Variants in SNRPG observed in about 807,000 individuals in gnomAD.
SNRPG encodes the protein small nuclear ribonucleoprotein G.
A neutral mutation model predicts 13.9 loss-of-function variants in SNRPG; 3 were observed. The observed-to-expected ratio is 0.22, with a 90% CI of 0.10 to 0.56. SNRPG has a LOEUF of 0.56. SNRPG is among the 20% of genes least tolerant of loss of function. SNRPG has a pLI of 0.93. For synonymous variants in SNRPG, 29 were observed against 29.3 expected (o/e 0.99, Z 0.03); for missense variants, 34 against 96.1 (o/e 0.35, Z 2.70).
At chr2:70,288,306 C>A in intron 2 of SNRPG, 114 bp from the exon 3 acceptor site, 1 of 801,580 alleles carries the variant, frequency 1.2e-6, no homozygotes, top group East Asian at 2.6e-5. Context: ...ACCCACTATC[C>A]TTACTGTATG....
intron 3 of SNRPG, among the ~76,000 whole-genome samples, chr2:70,283,115 A>AAC: frequency 1.4e-5 from 2 of 147,206 alleles, no homozygotes; most frequent in African/African-American, 5.2e-5. Context: ...AAAAAAAAAA[A>AAC]AAAAAAAAAC....
At chr2:70,282,709 T>C (rs1696824736) in intron 3 of SNRPG, among the ~76,000 whole-genome samples, 1 of 152,030 alleles carries the variant, frequency 6.6e-6, no homozygotes, top group Non-Finnish European at 1.5e-5. Flanking sequence ...GAAGTTTGAA[T>C]AGGACAGAAC....
At position 70,293,289 on chromosome 2, in the gene SNRPG, A is replaced by T. The variant is rs537296227; in HGVS notation, c.32+329T>A. ...TCTAGCCGTCTATCTAGAACATGAT[A>T]CTATTCGAGATGTTCAACAAAAGGT... On this transcript the variant is annotated intron_variant, in intron 1 of 3. Coordinates refer to ENST00000272348, the MANE Select transcript of SNRPG (RefSeq NM_003096.4). 1.8e-4 allele frequency: 124 copies of T among 684,844 alleles called. No individual in the cohort carries two copies. The African/African-American group carries it at 2.0e-3, about 11-fold the overall frequency. The allele number at this position is 684,844 out of a possible 1,614,324, so 42.4% of individuals were successfully genotyped here.
intron 3 of SNRPG, among the ~76,000 whole-genome samples, chr2:70,283,107 A>C (rs571076636): frequency 6.9e-6 from 1 of 145,398 alleles, no homozygotes; most frequent in Non-Finnish European, 1.5e-5. Context: ...AAAAAAAAAA[A>C]AAAAAAAAAA....
chr2:70,293,667 C>T lies in SNRPG; in HGVS notation c.-18G>A, dbSNP rs1427335462. The T allele has an allele frequency of 5.0e-6, 8 of 1,613,720 alleles. No individual in the cohort carries two copies. The Admixed American group carries it at 5.0e-5, about 10-fold the overall frequency. Reference sequence around the variant, plus strand: ...TTGCTCATGGTGTATACTCCGCGGGCTCACAGATGCCTTGGAACGCAACGC... The same window carrying T: ...TTGCTCATGGTGTATACTCCGCGGGTTCACAGATGCCTTGGAACGCAACGC... On this transcript the variant is annotated 5_prime_UTR_variant, in exon 1 of 4. Transcript: ENST00000272348.
intron 1 of SNRPG, chr2:70,293,162 T>C (rs1166767180): frequency 1.4e-6 from 1 of 702,430 alleles, no homozygotes; most frequent in African/African-American, 1.7e-5. Flanking sequence ...CAAACACATT[T>C]GCTAAGACTA....
At chr2:70,289,064 ACT>A (rs1441652152) in intron 2 of SNRPG, among the ~76,000 whole-genome samples, 1 of 151,724 alleles carries the variant, frequency 6.6e-6, no homozygotes, top group Non-Finnish European at 1.5e-5. Flanking sequence ...CATTCTCCTG[ACT>A]CAGCCTCCCG....
chr2:70,288,421 G>C (rs912108892), intron 2 of SNRPG, among the ~76,000 whole-genome samples: 3 of 152,124 alleles, frequency 2.0e-5, no homozygotes, highest in Non-Finnish European at 4.4e-5. Context: ...CTAAACTTCA[G>C]AGCTTTTTTA....
intron 1 of SNRPG, among the ~76,000 whole-genome samples, chr2:70,291,017 ACAC>A (rs1697078396): frequency 2.6e-5 from 1 of 38,430 alleles, no homozygotes; most frequent in Admixed American, 2.9e-4. Flanking sequence ...ATCTCAAAAC[ACAC>A]ACACACACAC....
chr2:70,289,808 CA>C (rs1030413736), intron 1 of SNRPG, among the ~76,000 whole-genome samples: 5 of 151,572 alleles, frequency 3.3e-5, no homozygotes, highest in African/African-American at 1.2e-4. Flanking sequence ...GAAACTGTCT[CA>C]GGGGAAAAAA....
intron 1 of SNRPG, chr2:70,291,233 A>G (rs1697087614): frequency 6.6e-6 from 1 of 152,206 alleles, no homozygotes; most frequent in Admixed American, 6.5e-5. Flanking sequence ...GTCACACAGC[A>G]AGTGAGAGCA....
intron 1 of SNRPG, among the ~76,000 whole-genome samples, chr2:70,291,948 A>G (rs565749489): frequency 7.3e-6 from 1 of 136,770 alleles, no homozygotes; most frequent in Admixed American, 7.5e-5. Context: ...AGTAACTTCT[A>G]TTTTTTTTTT....
chr2:70,285,066 T>TAACA (rs1696905917), intron 3 of SNRPG, among the ~76,000 whole-genome samples: 1 of 152,212 alleles, frequency 6.6e-6, no homozygotes, highest in South Asian at 2.1e-4. Flanking sequence ...TTACTTGTGT[T>TAACA]CAAGTAACCC....
chr2:70,289,690 G>C (rs905631002), intron 1 of SNRPG, among the ~76,000 whole-genome samples: 39 of 152,018 alleles, frequency 2.6e-4, no homozygotes, highest in Admixed American at 1.2e-3. Flanking sequence ...ACATGCCTAT[G>C]GTTCCAGCTA....
At chr2:70,291,889 A>G (rs774695610) in intron 1 of SNRPG, among the ~76,000 whole-genome samples, 4 of 151,312 alleles carry the variant, frequency 2.6e-5, no homozygotes, top group African/African-American at 9.7e-5. Context: ...TACTTACATC[A>G]CCAAAAATAA....
chr2:70,283,096 CAAAAA>C (rs57862220), intron 3 of SNRPG, among the ~76,000 whole-genome samples: 26 of 14,044 alleles, frequency 1.9e-3, no homozygotes, highest in Admixed American at 0.018. Flanking sequence ...TGTCTTTTGT[CAAAAA>C]AAAAAAAAAA....
intron 1 of SNRPG, among the ~76,000 whole-genome samples, chr2:70,291,014 A>AACACACACACACACACACACACAC (rs56202448): frequency 7.5e-6 from 1 of 133,584 alleles, no homozygotes; most frequent in Non-Finnish European, 1.6e-5. Flanking sequence ...TCCATCTCAA[A>AACACACACACACACACACACACAC]ACACACACAC....
chr2:70,288,975 G>C (rs886940380), intron 2 of SNRPG, among the ~76,000 whole-genome samples: 7 of 151,984 alleles, frequency 4.6e-5, no homozygotes, highest in African/African-American at 1.7e-4. Context: ...TTTTGAGACG[G>C]AGTCTAGCTC....
chr2:70,281,942 G>A (rs562754470), intron 3 of SNRPG, among the ~76,000 whole-genome samples: 82 of 151,678 alleles, frequency 5.4e-4, no homozygotes, highest in African/African-American at 2.0e-3. Context: ...TTTTTTTTGA[G>A]ACAGTCTCAC....
Sources: allele counts gnomAD v4.1 joint callset (sites outside exome capture counted in the v4.1 genomes callset), GRCh38; gene constraint gnomAD v4.1.1; transcripts MANE v1.5; gene names NCBI Gene and HGNC (gene_info 2026-07-23, HGNC 2026-07-21).